Variants in SUMF2 observed in about 807,000 individuals in gnomAD.
SUMF2 encodes the protein sulfatase modifying factor 2.
Under a neutral mutation model 44.8 loss-of-function variants are expected in SUMF2, and 45 were observed. The ratio of observed to expected loss-of-function variants is 1.00; its 90% CI spans 0.79 to 1.29. The LOEUF (loss-of-function observed/expected upper bound fraction) is 1.29. SUMF2 is among the 50% of genes most tolerant of loss of function. The pLI, the probability that SUMF2 is intolerant of heterozygous loss-of-function variation, is 0.00. For missense variants in SUMF2, 418 were observed against 389.9 expected (o/e 1.07, Z -0.61); for synonymous variants, 148 against 150.4 (o/e 0.98, Z 0.12).
At chr7:56,087,674 C>T in the SUMF2 span, 1 of 1,614,030 alleles carries the variant, frequency 6.2e-7, no homozygotes, top group Non-Finnish European at 8.5e-7. Context: ...CCCGCACCTC[C>T]TCCGGGCTGA....
At chr7:56,065,091 C>CT (rs1794680998) in intron 1 of SUMF2, among the ~76,000 whole-genome samples, 1 of 144,698 alleles carries the variant, frequency 6.9e-6, no homozygotes, top group African/African-American at 2.6e-5. Context: ...ACTAGGGAGG[C>CT]TGAGGCAGGA....
downstream of SUMF2, chr7:56,084,073 C>A: frequency 1.2e-6 from 1 of 800,098 alleles, no homozygotes; most frequent in South Asian, 1.6e-5. Flanking sequence ...TTCCCATTAC[C>A]CTAGTTCCAG....
rs747537908 is a variant in SUMF2 at position 56,068,510 on chromosome 7, A to G, written c.96A>G (p.Gln32=). 26 of 1,613,578 alleles carry G rather than the reference A, an allele frequency of 1.6e-5. No individual in the cohort carries two copies. The Admixed American group carries it at 2.0e-4, about 12-fold the overall frequency. The change falls in exon 2 of 9, where the codon CAA becomes CAG. Residue 32 remains glutamine (Q), a synonymous_variant. Transcript: ENST00000434526. ...ATGGACAGGCTACTAGCATGGTCCA[A>G]CTGCAGGGTGGGAGATTCCTGATGG... ...LGNGQATSMV[Q]LQGGRFLMGT...
chr7:56,064,349 C>A lies in SUMF2; in HGVS notation c.38C>A (p.Ser13Ter), dbSNP rs139599780. The change falls in exon 1 of 9, where the codon TCG becomes TAG. Residue 13 changes from serine (S) to a stop codon, truncating the protein, a stop_gained. Transcript: ENST00000434526. LOFTEE classifies it high-confidence loss of function. ...RHGLPLLPLL[S>*]LLVGAWLKLG... ...GGGTTACCGCTGCTGCCCCTGCTGT[C>A]GCTCCTGGTCGGCGCGTGGCTCAAG... 2 of 1,603,250 alleles carry A rather than the reference C, an allele frequency of 1.2e-6. No individual in the cohort carries two copies. The highest frequency in any genetic ancestry group is 1.7e-6 in the Non-Finnish European group (2 of 1,175,498).
At chr7:56,083,344 T>C (rs375748758), downstream of SUMF2, 23 of 1,614,060 alleles carry the variant, frequency 1.4e-5, no homozygotes, top group African/African-American at 2.4e-4. Flanking sequence ...ATGTTCATGT[T>C]GTCATCCAAG....
In SUMF2 at chr7:56,080,260, C is replaced by CTT. The variant is rs71015184; in HGVS notation, c.*670_*671dup. 0.026 allele frequency: 2,771 copies of CTT among 105,314 alleles called. 63 individuals carry two copies. The highest frequency in any genetic ancestry group is 0.044 in the Admixed American group (397 of 9,116). The allele number at this position is 105,314 out of a possible 1,614,324, so 6.5% of individuals were successfully genotyped here. Reference sequence around the variant, plus strand: ...AGACAAATATCAGAAGCTTCCTATTCTTTTTTTTTTTTTTTTTTTTTTTGA... The same window carrying CTT: ...AGACAAATATCAGAAGCTTCCTATTCTTTTTTTTTTTTTTTTTTTTTTTTTGA... On this transcript the variant is annotated 3_prime_UTR_variant, in exon 9 of 9. Transcript: ENST00000434526.
Position 56,078,138 on chromosome 7 carries a change from T to G in SUMF2, c.628T>G (p.Phe210Val). ...CAAGGGAGACAAAGCTGAGGATGGC[T>G]TCCATGGAGTCTCCCCAGTGAATGC... ...FPKGDKAEDG[F>V]HGVSPVNAFP... Residue 210 changes from phenylalanine to valine, a missense_variant, in exon 7 of 9, where the codon TTC (phenylalanine) becomes GTC (valine). By Grantham distance (50) the Phe-to-Val change is conservative. Coordinates refer to ENST00000434526, the MANE Select transcript of SUMF2 (RefSeq NM_015411.4). 1 of 1,613,030 alleles carries G rather than the reference T, an allele frequency of 6.2e-7. No individual in the cohort carries two copies. The highest frequency in any genetic ancestry group is 2.2e-5 in the East Asian group (1 of 44,830).
At chr7:56,075,958 G>T (rs900373616) in intron 5 of SUMF2, among the ~76,000 whole-genome samples, 1 of 151,726 alleles carries the variant, frequency 6.6e-6, no homozygotes, top group African/African-American at 2.4e-5. Flanking sequence ...CGCCTCCCGG[G>T]TTCAAGGGAT....
At chr7:56,085,974 CAAAAAA>C in the SUMF2 span, among the ~76,000 whole-genome samples, 2 of 133,278 alleles carry the variant, frequency 1.5e-5, no homozygotes, top group African/African-American at 2.9e-5. Flanking sequence ...AACTCTGTCT[CAAAAAA>C]AAAAAAAAAA....
downstream of SUMF2, among the ~76,000 whole-genome samples, chr7:56,084,784 C>T (rs1308539786): frequency 1.3e-5 from 2 of 151,822 alleles, no homozygotes; most frequent in African/African-American, 4.9e-5. Context: ...ATCTTCTTAC[C>T]TCCTGGGATG....
Position 56,074,660 on chromosome 7 carries a change from T to C in SUMF2, c.459T>C (p.Arg153=), listed in dbSNP as rs970798675. The C allele has an allele frequency of 2.5e-6, 4 of 1,614,038 alleles. No homozygotes were observed. The highest frequency in any genetic ancestry group is 8.5e-7 in the Non-Finnish European group (1 of 1,180,036). Residue 153 remains arginine, a synonymous_variant, in exon 5 of 9, where the codon CGT becomes CGC. Coordinates refer to ENST00000434526, the MANE Select transcript of SUMF2 (RefSeq NM_015411.4). ...TACACGTGAGCTGGAATGACGCCCGTGCCTACTGTGCTTGGCGGGGAAAAC... is the reference window on the plus strand; with the variant it reads ...TACACGTGAGCTGGAATGACGCCCGCGCCTACTGTGCTTGGCGGGGAAAAC... ...PVLHVSWNDA[R]AYCAWRGKRL... is the part of the protein sequence containing the mutation.
At chr7:56,077,721 G>A (rs1795658857) in intron 6 of SUMF2, among the ~76,000 whole-genome samples, 1 of 152,094 alleles carries the variant, frequency 6.6e-6, no homozygotes, top group African/African-American at 2.4e-5. Context: ...GAGAAGGCCA[G>A]CAGGAATAGG....
At chr7:56,065,036 C>CA (rs1306700901) in intron 1 of SUMF2, among the ~76,000 whole-genome samples, 1 of 149,364 alleles carries the variant, frequency 6.7e-6, no homozygotes, top group Non-Finnish European at 1.5e-5. Flanking sequence ...ACTAAAAATT[C>CA]AAAAAATTAG....
intron 5 of SUMF2, 106 bp downstream of exon 5, chr7:56,074,842 A>T: frequency 7.0e-7 from 1 of 1,421,804 alleles, no homozygotes; most frequent in Non-Finnish European, 9.7e-7. Context: ...TTATGCCTGT[A>T]ATCCCAACAC....
At position 56,068,627 on chromosome 7, in the gene SUMF2, C is replaced by T. The variant is rs774988746; in HGVS notation, c.213C>T (p.Asn71=). The T allele has an allele frequency of 1.2e-6, 2 of 1,612,468 alleles. No homozygotes were observed. Among genetic ancestry groups the T allele is most frequent in the South Asian group, 2.2e-5 (2 of 91,030 alleles). ...PFAIDIFPVT[N]KDFRDFVREK... ...CCATCGACATATTTCCTGTCACCAACAAAGATTTCAGGTACATCAGGTATT... is the reference window on the plus strand; with the variant it reads ...CCATCGACATATTTCCTGTCACCAATAAAGATTTCAGGTACATCAGGTATT... Residue 71 remains asparagine (N), a synonymous_variant, in exon 2 of 9, where the codon AAC becomes AAT. Coordinates refer to ENST00000434526, the MANE Select transcript of SUMF2 (RefSeq NM_015411.4).
chr7:56,072,550 C>T (rs1044704770), intron 2 of SUMF2, among the ~76,000 whole-genome samples: 1 of 152,202 alleles, frequency 6.6e-6, no homozygotes, highest in East Asian at 1.9e-4. Context: ...TGGTGAAACC[C>T]TGTCACTACT....
chr7:56,066,476 T>C (rs1794807946), intron 1 of SUMF2, among the ~76,000 whole-genome samples: 1 of 152,180 alleles, frequency 6.6e-6, no homozygotes, highest in Admixed American at 6.5e-5. Context: ...GACAGAGTCT[T>C]GCTGTGTCCC....
downstream of SUMF2, among the ~76,000 whole-genome samples, chr7:56,082,879 G>A (rs953458186): frequency 4.6e-5 from 7 of 152,076 alleles, no homozygotes; most frequent in African/African-American, 1.2e-4. Flanking sequence ...AGGCCGAGGC[G>A]GGCGGATCGT....
In SUMF2 at chr7:56,074,540, C is replaced by T. The variant is rs776752742; in HGVS notation, c.385-46C>T. On this transcript the variant is annotated intron_variant, in intron 4 of 8. Transcript: ENST00000434526. ...CGCCCTAAACCTAGCCTGCCTCCGA[C>T]TTAATGCGCTCCCGGAAGCCTGTCT... is the stretch of plus-strand genomic sequence containing the variant. 105 of 1,605,516 alleles carry T rather than the reference C, an allele frequency of 6.5e-5. No homozygotes were observed. In the South Asian group the frequency reaches 1.0e-3, roughly 15 times the overall value.
Sources: gnomAD v4.1 joint callset for allele counts (sites outside exome capture counted in the v4.1 genomes callset) on GRCh38, gnomAD v4.1.1 for gene constraint, MANE v1.5 for transcripts, NCBI Gene and HGNC (gene_info 2026-07-23, HGNC 2026-07-21) for gene names.